The following RANBP2 variants were observed in gnomAD, a reference collection of about 807,000 sequenced individuals.
RANBP2 encodes E3 SUMO-protein ligase RanBP2.
A neutral mutation model predicts 303.6 loss-of-function variants in RANBP2; 57 were observed. The ratio of observed to expected loss-of-function variants is 0.19; its 90% CI spans 0.15 to 0.23. RANBP2 has a LOEUF of 0.23. Ranked by LOEUF, RANBP2 falls within the 10% of genes least tolerant of loss-of-function variation. The probability of loss-of-function intolerance (pLI) is 1.00; values close to 1 mark genes in which losing one functional copy is unlikely to be tolerated. For missense variants in RANBP2, 3,138 were observed against 3,780.8 expected (o/e 0.83, Z 4.46); for synonymous variants, 1,167 against 1,301.5 (o/e 0.90, Z 2.23).
the RANBP2 span, among the ~76,000 whole-genome samples, chr2:109,325,979 T>C: frequency 6.6e-6 from 1 of 152,250 alleles, no homozygotes; most frequent in Non-Finnish European, 1.5e-5. Flanking sequence ...GTATATGTCA[T>C]GTTTAAAGAA....
the RANBP2 span, among the ~76,000 whole-genome samples, chr2:108,941,610 A>G: frequency 6.6e-6 from 1 of 152,210 alleles, no homozygotes; most frequent in Non-Finnish European, 1.5e-5. Context: ...GAAGGAGAAG[A>G]AAAACGATCT....
At chr2:109,564,149 CTT>C in the RANBP2 span, 2 of 403,546 alleles carry the variant, frequency 5.0e-6, no homozygotes, top group East Asian at 3.6e-5. Context: ...ATATTTAACT[CTT>C]TTTGAGTCAG....
At chr2:108,997,459 A>AAAAAAAAAAAAAAAG in the RANBP2 span, among the ~76,000 whole-genome samples, 31 of 131,460 alleles carry the variant, frequency 2.4e-4, 2 homozygotes, top group East Asian at 1.5e-3. Flanking sequence ...AAAAAAAAAA[A>AAAAAAAAAAAAAAAG]AAAAGATGAT....
At chr2:109,455,479 T>A in the RANBP2 span, among the ~76,000 whole-genome samples, 1 of 152,092 alleles carries the variant, frequency 6.6e-6, no homozygotes, top group African/African-American at 2.4e-5. Context: ...GTGGGACACA[T>A]GTGTGCACCC....
the RANBP2 span, among the ~76,000 whole-genome samples, chr2:109,011,611 C>T: frequency 6.6e-6 from 1 of 152,158 alleles, no homozygotes; most frequent in Non-Finnish European, 1.5e-5. Flanking sequence ...TTGCTGCGTC[C>T]TCTCTCTATG....
chr2:108,835,775 T>C, the RANBP2 span, among the ~76,000 whole-genome samples: 1 of 152,186 alleles, frequency 6.6e-6, no homozygotes, highest in Non-Finnish European at 1.5e-5. Flanking sequence ...CAGTACCAAT[T>C]GTCTCTGTTT....
At chr2:108,861,875 A>T in the RANBP2 span, among the ~76,000 whole-genome samples, 1 of 152,112 alleles carries the variant, frequency 6.6e-6, no homozygotes, top group Non-Finnish European at 1.5e-5. Context: ...TGTATCCTAC[A>T]GGTTTTGGTA....
the RANBP2 span, among the ~76,000 whole-genome samples, chr2:108,855,550 CTTTG>C: frequency 3.3e-5 from 5 of 151,274 alleles, no homozygotes; most frequent in African/African-American, 9.7e-5. Flanking sequence ...AATCTAGCAA[CTTTG>C]TTTAACTTAA....
the RANBP2 span, among the ~76,000 whole-genome samples, chr2:109,131,352 AT>A: frequency 6.6e-6 from 1 of 152,096 alleles, no homozygotes; most frequent in Non-Finnish European, 1.5e-5. Flanking sequence ...TTTGGTTTTA[AT>A]TGTGATTAAA....
chr2:109,150,007 G>T, the RANBP2 span, among the ~76,000 whole-genome samples: 1 of 152,214 alleles, frequency 6.6e-6, no homozygotes, highest in African/African-American at 2.4e-5. Context: ...ACTGATGTCT[G>T]TCTCAGCCCA....
chr2:109,301,181 G>A, the RANBP2 span, among the ~76,000 whole-genome samples: 7 of 152,318 alleles, frequency 4.6e-5, no homozygotes, highest in African/African-American at 1.4e-4. Context: ...AGTCAAGAGG[G>A]GGATTGCCCT....
chr2:108,999,301 G>A, the RANBP2 span, among the ~76,000 whole-genome samples: 4 of 152,316 alleles, frequency 2.6e-5, no homozygotes, highest in South Asian at 2.1e-4. Flanking sequence ...AGCTTTGCAT[G>A]TTAAGTAATG....
chr2:109,304,470 T>C, the RANBP2 span, among the ~76,000 whole-genome samples: 1 of 152,132 alleles, frequency 6.6e-6, no homozygotes, highest in Non-Finnish European at 1.5e-5. Context: ...AGGGGTTCCT[T>C]GTTCCCTGTC....
chr2:109,628,105 C>T, the RANBP2 span, among the ~76,000 whole-genome samples: 3 of 152,154 alleles, frequency 2.0e-5, no homozygotes, highest in Non-Finnish European at 4.4e-5. Flanking sequence ...TCATGGACAT[C>T]TTCTGGGAGG....
intron 5 of RANBP2, 151 bp from the exon 6 acceptor site, chr2:108,735,953 A>G (rs1328658935): frequency 9.7e-6 from 15 of 1,544,658 alleles, no homozygotes; most frequent in Admixed American, 3.8e-5. Context: ...TGATAAATGT[A>G]TATATTTTTG....
the RANBP2 span, among the ~76,000 whole-genome samples, chr2:109,182,231 G>A: frequency 2.0e-5 from 3 of 152,192 alleles, no homozygotes; most frequent in East Asian, 3.8e-4. Flanking sequence ...AGAGCATGGC[G>A]CTGGCATTTG....
chr2:108,747,506 T>G (rs1696605970), intron 8 of RANBP2, among the ~76,000 whole-genome samples: 1 of 152,268 alleles, frequency 6.6e-6, no homozygotes, highest in African/African-American at 2.4e-5. Flanking sequence ...GAGCTCACAT[T>G]GCTCTTTTAT....
chr2:108,756,514 C>A (rs190314835), intron 17 of RANBP2, among the ~76,000 whole-genome samples: 1 of 152,322 alleles, frequency 6.6e-6, no homozygotes, highest in East Asian at 1.9e-4. Flanking sequence ...GTATTTGCAA[C>A]TTAAGAGAAT....
the RANBP2 span, chr2:108,857,001 A>C: frequency 7.6e-7 from 1 of 1,309,862 alleles, no homozygotes; most frequent in South Asian, 1.3e-5. Context: ...TGTGTAAAGA[A>C]AGCAGGATGA....
Sources: allele counts gnomAD v4.1 joint callset (sites outside exome capture counted in the v4.1 genomes callset), GRCh38; gene constraint gnomAD v4.1.1; transcripts MANE v1.5; gene names NCBI Gene and HGNC (gene_info 2026-07-23, HGNC 2026-07-21).